The following ZNF804A variants were observed in gnomAD, a reference collection of about 807,000 sequenced individuals.
ZNF804A encodes the protein zinc finger protein 804A.
In ZNF804A, 2 loss-of-function variants were observed where a neutral mutation model predicts 16.5. The ratio of observed to expected loss-of-function variants is 0.12; its 90% confidence interval spans 0.05 to 0.38. ZNF804A has a LOEUF of 0.38. Among genes scored for constraint, ZNF804A ranks in the 10% least tolerant of loss-of-function variants. ZNF804A has a pLI of 0.99. For missense variants in ZNF804A, 1,473 were observed against 1,390.7 expected (o/e 1.06, Z -0.94); for synonymous variants, 534 against 489.6 (o/e 1.09, Z -1.20).
At chr2:184,929,449 T>G (rs1685660495) in intron 2 of ZNF804A, among the ~76,000 whole-genome samples, 1 of 152,134 alleles carries the variant, frequency 6.6e-6, no homozygotes, top group South Asian at 2.1e-4. Flanking sequence ...AATCATTGAT[T>G]ATTACATGTA....
chr2:184,720,050 C>T (rs970301647), intron 1 of ZNF804A, among the ~76,000 whole-genome samples: 10 of 152,126 alleles, frequency 6.6e-5, no homozygotes, highest in Admixed American at 3.3e-4. Context: ...GCTGGGGAGG[C>T]CTCATAATCA....
chr2:184,847,450 G>A (rs1166925306), intron 1 of ZNF804A, among the ~76,000 whole-genome samples: 2 of 151,990 alleles, frequency 1.3e-5, no homozygotes, highest in African/African-American at 4.8e-5. Context: ...AATAGAACCT[G>A]ACCTTTCAGA....
At chr2:184,853,231 C>T (rs981470376) in intron 1 of ZNF804A, among the ~76,000 whole-genome samples, 3 of 151,576 alleles carry the variant, frequency 2.0e-5, no homozygotes, top group African/African-American at 4.8e-5. Context: ...TTGGATTGTT[C>T]ATTATTATTT....
In ZNF804A at chr2:184,630,272, G is replaced by A. The variant is rs1438544194; in HGVS notation, c.111+31202G>A. 2.0e-5 allele frequency among the ~76,000 whole-genome samples: 3 copies of A among 152,166 alleles called. No individual in the cohort carries two copies. In the South Asian group the frequency reaches 6.2e-4, roughly 32 times the overall value. On this transcript the variant is annotated intron_variant, in intron 1 of 3. Transcript: ENST00000302277. ...AAGATAATTCGTTCAACTGCTATTC[G>A]GAAATTTGGATACGGAAGTCCAGAG...
intron 1 of ZNF804A, among the ~76,000 whole-genome samples, chr2:184,653,975 C>A (rs986172601): frequency 1.3e-5 from 2 of 152,142 alleles, no homozygotes; most frequent in Non-Finnish European, 2.9e-5. Flanking sequence ...CAGGAAACGG[C>A]CTTTCCCTAG....
At chr2:184,789,035 T>G (rs2105777692) in intron 1 of ZNF804A, among the ~76,000 whole-genome samples, 1 of 152,174 alleles carries the variant, frequency 6.6e-6, no homozygotes, top group South Asian at 2.1e-4. Context: ...TTGTTGAAGG[T>G]TTTTAGCATG....
intron 1 of ZNF804A, among the ~76,000 whole-genome samples, chr2:184,817,935 G>A (rs982726717): frequency 5.9e-5 from 9 of 151,974 alleles, no homozygotes; most frequent in African/African-American, 2.2e-4. Context: ...ACAACAGATT[G>A]GGGTACCTGA....
At chr2:184,929,497 G>T (rs1261442129) in intron 2 of ZNF804A, among the ~76,000 whole-genome samples, 1 of 151,996 alleles carries the variant, frequency 6.6e-6, no homozygotes, top group Non-Finnish European at 1.5e-5. Context: ...ATGTGTGTGT[G>T]TGTGTATGTG....
At chr2:184,890,826 G>C (rs1476381266) in intron 2 of ZNF804A, among the ~76,000 whole-genome samples, 1 of 149,916 alleles carries the variant, frequency 6.7e-6, no homozygotes, top group Non-Finnish European at 1.5e-5. Flanking sequence ...TTCTATATCT[G>C]GTTCATTATA....
intron 1 of ZNF804A, among the ~76,000 whole-genome samples, chr2:184,778,316 C>A (rs1238037209): frequency 2.6e-5 from 4 of 151,506 alleles, no homozygotes; most frequent in African/African-American, 7.3e-5. Flanking sequence ...GAAAATTTAA[C>A]CCCTTCTCTA....
intron 1 of ZNF804A, among the ~76,000 whole-genome samples, chr2:184,776,168 G>A (rs996582089): frequency 6.6e-6 from 1 of 151,418 alleles, no homozygotes; most frequent in African/African-American, 2.4e-5. Flanking sequence ...AAAAATCGAG[G>A]AAATATGCAA....
chr2:184,824,236 C>G (rs1030382977), intron 1 of ZNF804A, among the ~76,000 whole-genome samples: 4 of 152,086 alleles, frequency 2.6e-5, no homozygotes, highest in Non-Finnish European at 5.9e-5. Context: ...AAGATAAATT[C>G]ACATTCTGTT....
chr2:184,913,244 A>T (rs1271502135), intron 2 of ZNF804A, among the ~76,000 whole-genome samples: 1 of 152,124 alleles, frequency 6.6e-6, no homozygotes, highest in African/African-American at 2.4e-5. Context: ...TACATTGTGT[A>T]TACATTGGCA....
chr2:184,729,174 T>G (rs916836183), intron 1 of ZNF804A, among the ~76,000 whole-genome samples: 6 of 151,944 alleles, frequency 3.9e-5, no homozygotes, highest in Admixed American at 2.0e-4. Context: ...AGAATAAATT[T>G]TAAGTGCTCT....
intron 1 of ZNF804A, among the ~76,000 whole-genome samples, chr2:184,669,847 T>C (rs1318472679): frequency 6.6e-6 from 1 of 152,046 alleles, no homozygotes; most frequent in Non-Finnish European, 1.5e-5. Flanking sequence ...TTGTGTTATT[T>C]TTATACTTGA....
At chr2:184,843,438 T>TG (rs1558979310) in intron 1 of ZNF804A, among the ~76,000 whole-genome samples, 2 of 151,410 alleles carry the variant, frequency 1.3e-5, no homozygotes, top group South Asian at 2.1e-4. Context: ...AATTTTTTTT[T>TG]TGTGTGTGTG....
chr2:184,904,329 C>G (rs1195312792), intron 2 of ZNF804A, among the ~76,000 whole-genome samples: 1 of 151,852 alleles, frequency 6.6e-6, no homozygotes, highest in Non-Finnish European at 1.5e-5. Context: ...ACTAGTTAAA[C>G]AGTTAAAGTG....
intron 1 of ZNF804A, among the ~76,000 whole-genome samples, chr2:184,864,292 C>A (rs1695842389): frequency 6.6e-6 from 1 of 152,098 alleles, no homozygotes; most frequent in South Asian, 2.1e-4. Context: ...TAACAACCAA[C>A]TCTCAAGAAA....
intron 2 of ZNF804A, among the ~76,000 whole-genome samples, chr2:184,894,234 G>A (rs898756729): frequency 1.3e-5 from 2 of 151,984 alleles, no homozygotes; most frequent in Admixed American, 1.3e-4. Flanking sequence ...AGCTTTACTC[G>A]GTGAAGGGGT....
Sources: gnomAD v4.1 joint callset for allele counts (sites outside exome capture counted in the v4.1 genomes callset) on GRCh38, gnomAD v4.1.1 for gene constraint, MANE v1.5 for transcripts, NCBI Gene and HGNC (gene_info 2026-07-23, HGNC 2026-07-21) for gene names.